OR4K17: variants seen among roughly 807,000 people sequenced by gnomAD.
OR4K17 encodes the protein olfactory receptor family 4 subfamily K member 17.
For missense variants in OR4K17, 480 were observed against 366.3 expected (o/e 1.31, Z -2.53); for synonymous variants, 157 against 132.8 (o/e 1.18, Z -1.25).
At chr14:20,116,395 A>G (rs1199122458) in intron 1 of OR4K17, among the ~76,000 whole-genome samples, 1 of 152,122 alleles carries the variant, frequency 6.6e-6, no homozygotes. Context: ...ATTGGAACAT[A>G]GTGATCTACT....
At chr14:20,114,364 G>A (rs1245544893) in intron 1 of OR4K17, among the ~76,000 whole-genome samples, 1 of 151,762 alleles carries the variant, frequency 6.6e-6, no homozygotes, top group Non-Finnish European at 1.5e-5. Flanking sequence ...TTTACATATT[G>A]CATTTAGGTT....
At chr14:20,113,775 G>T (rs934068055) in intron 1 of OR4K17, among the ~76,000 whole-genome samples, 13 of 151,814 alleles carry the variant, frequency 8.6e-5, no homozygotes, top group Non-Finnish European at 1.5e-5. Context: ...ACTTTGTGTT[G>T]CTCCATTAAT....
At chr14:20,111,724 A>G (rs1019468242) in intron 1 of OR4K17, among the ~76,000 whole-genome samples, 13 of 152,192 alleles carry the variant, frequency 8.5e-5, no homozygotes, top group African/African-American at 2.9e-4. Flanking sequence ...ATGAATAAAG[A>G]AGAGCTTAGA....
intron 1 of OR4K17, among the ~76,000 whole-genome samples, chr14:20,116,554 C>T (rs1009120403): frequency 6.6e-6 from 1 of 152,010 alleles, no homozygotes; most frequent in Non-Finnish European, 1.5e-5. Flanking sequence ...AATTGTTAAA[C>T]CTGGTTTGCT....
At position 20,120,166 on chromosome 14, in the gene OR4K17, T is replaced by C. The variant is rs566672190; in HGVS notation, c.*1728T>C. The C allele has an allele frequency of 6.6e-6, 1 of 152,290 alleles. No individual in the cohort carries two copies. The highest frequency in any genetic ancestry group is 2.4e-5 in the African/African-American group (1 of 41,566). 9.4% of individuals were successfully genotyped at this position (152,290 alleles called of 1,614,324 possible). A position where few individuals can be genotyped will look rare whatever the true frequency, so the allele number is the denominator to read the frequency against. The stretch of plus-strand genomic sequence containing the variant: ...AAATGTCTGTCACATTTTTACTGTA[T>C]AATTGAGTTAAATGATTTGGCACTC... On this transcript the variant is annotated 3_prime_UTR_variant, in exon 2 of 2. Transcript: ENST00000641386.
intron 1 of OR4K17, among the ~76,000 whole-genome samples, chr14:20,111,126 A>G (rs1023957480): frequency 1.1e-4 from 17 of 152,054 alleles, no homozygotes; most frequent in Admixed American, 2.0e-4. Context: ...AGTCCAGCAA[A>G]CAGCAGAACC....
intron 1 of OR4K17, among the ~76,000 whole-genome samples, chr14:20,116,895 T>G (rs1878005340): frequency 6.6e-6 from 1 of 152,110 alleles, no homozygotes; most frequent in Non-Finnish European, 1.5e-5. Context: ...AGAAGCCCAC[T>G]GGTGGAAGAT....
Position 20,119,528 on chromosome 14 carries a change from A to G in OR4K17, c.*1090A>G, listed in dbSNP as rs750423740. ...AATAAATGTCCATGAAATCTTCAAA[A>G]TTTATGTTCTTCTGTCACGGCTTCA... On this transcript the variant is annotated 3_prime_UTR_variant, in exon 2 of 2. Coordinates refer to ENST00000641386, the MANE Select transcript of OR4K17 (RefSeq NM_001004715.5). 2 of 152,260 alleles carry G rather than the reference A, an allele frequency of 1.3e-5. No homozygotes were observed. Among genetic ancestry groups the G allele is most frequent in the African/African-American group, 2.4e-5 (1 of 41,434 alleles). The allele number at this position is 152,260 out of a possible 1,614,324, so 9.4% of individuals were successfully genotyped here.
Position 20,119,921 on chromosome 14 carries a change from C to CA in OR4K17, c.*1484dup, listed in dbSNP as rs1566553367. 1.3e-5 allele frequency: 2 copies of CA among 152,050 alleles called. No homozygotes were observed. Among genetic ancestry groups the CA allele is most frequent in the African/African-American group, 4.8e-5 (2 of 41,400 alleles). The allele number at this position is 152,050 out of a possible 1,614,324, so 9.4% of individuals were successfully genotyped here. A position where few individuals can be genotyped will look rare whatever the true frequency, so the allele number is the denominator to read the frequency against. ...CTCTTAAGTATAGAGTTATTAGCTA[C>CA]ACTGAGATGAAGGCAAGTAAAATGC... On this transcript the variant is annotated 3_prime_UTR_variant, in exon 2 of 2. Coordinates refer to ENST00000641386, the MANE Select transcript of OR4K17 (RefSeq NM_001004715.5).
rs896125492 is a variant in OR4K17 at position 20,120,412 on chromosome 14, TC to T, written c.*1975del. 2 of 152,150 alleles carry T rather than the reference TC, an allele frequency of 1.3e-5. No homozygotes were observed. The highest frequency in any genetic ancestry group is 4.8e-5 in the African/African-American group (2 of 41,432). 9.4% of individuals were successfully genotyped at this position (152,150 alleles called of 1,614,324 possible). On this transcript the variant is annotated 3_prime_UTR_variant, in exon 2 of 2. Coordinates refer to ENST00000641386, the MANE Select transcript of OR4K17 (RefSeq NM_001004715.5). ...CCTCCTTGTCCCCATGTATTTCAAT[TC>T]AAAAAAACTGTGTGTCTGACTCCAA...
intron 1 of OR4K17, among the ~76,000 whole-genome samples, chr14:20,117,040 G>A (rs754465894): frequency 6.4e-4 from 98 of 152,048 alleles, no homozygotes; most frequent in Non-Finnish European, 1.0e-3. Flanking sequence ...AATTTCTTAA[G>A]GTCATTATGG....
In OR4K17 at chr14:20,117,723, C is replaced by T. The variant is rs774335231; in HGVS notation, c.224C>T (p.Ser75Phe). The change falls in exon 2 of 2, where the codon TCT (serine) becomes TTT (phenylalanine). Residue 75 changes from serine (S) to phenylalanine (F), a missense_variant. Coordinates refer to ENST00000641386, the MANE Select transcript of OR4K17 (RefSeq NM_001004715.5). ...TCTTTTGTAGATATGACCCTTGCTT[C>T]TTTTGCCACCCCTAAGGTGATTCTG... ...NLSFVDMTLA[S>F]FATPKVILNL... 40 of 1,613,902 alleles carry T rather than the reference C, an allele frequency of 2.5e-5. No individual in the cohort carries two copies. Among genetic ancestry groups the T allele is most frequent in the Non-Finnish European group, 3.3e-5 (39 of 1,179,960 alleles).
Position 20,117,628 on chromosome 14 carries a change from TC to T in OR4K17, c.130del (p.Ile45LeufsTer2). The T allele has an allele frequency of 6.2e-7, 1 of 1,613,856 alleles. No homozygotes were observed. ...IYVVTVLGNL[L>X]IIVTVFNTPN... ...ATGTGGTCACAGTTTTGGGTAACCT[TC>T]TTATTATAGTCACAGTGTTTAACAC... On this transcript the variant is annotated frameshift_variant, in exon 2 of 2. Transcript: ENST00000641386. LOFTEE classifies it low-confidence loss of function (END_TRUNC).
rs1156766817 is a variant in OR4K17 at position 20,117,704 on chromosome 14, G to T, written c.205G>T (p.Val69Leu). The T allele has an allele frequency of 3.7e-6, 6 of 1,613,802 alleles. No homozygotes were observed. The highest frequency in any genetic ancestry group is 5.1e-6 in the Non-Finnish European group (6 of 1,179,880). ...MYFLLGNLSF[V>L]DMTLASFATP... ...TTTTCTCCTTGGTAATCTCTCTTTT[G>T]TAGATATGACCCTTGCTTCTTTTGC... Residue 69 changes from valine to leucine, a missense_variant, in exon 2 of 2, where the codon GTA (valine) becomes TTA (leucine). Physicochemically the swap from Val to Leu is conservative, Grantham distance 32 (BLOSUM62 1). Transcript: ENST00000641386.
At chr14:20,112,527 G>T (rs970102334) in intron 1 of OR4K17, among the ~76,000 whole-genome samples, 1 of 152,066 alleles carries the variant, frequency 6.6e-6, no homozygotes, top group Non-Finnish European at 1.5e-5. Flanking sequence ...GGTGATGATA[G>T]GTTTGGAAAC....
rs1159550967 is a variant in OR4K17 at position 20,121,816 on chromosome 14, C to T, written c.*3378C>T. The T allele has an allele frequency of 6.6e-6, 1 of 152,024 alleles. No homozygotes were observed. The highest frequency in any genetic ancestry group is 1.5e-5 in the Non-Finnish European group (1 of 67,964). 9.4% of individuals were successfully genotyped at this position (152,024 alleles called of 1,614,324 possible). ...TTTTCTGGCATATCCATAGGTTTTA[C>T]ATTCACAGACTCAATCAACCACAGA... is the stretch of plus-strand genomic sequence containing the variant. On this transcript the variant is annotated 3_prime_UTR_variant, in exon 2 of 2. Coordinates refer to ENST00000641386, the MANE Select transcript of OR4K17 (RefSeq NM_001004715.5).
In OR4K17 at chr14:20,118,898, G is replaced by C. The variant is rs1594196722; in HGVS notation, c.*460G>C. The stretch of plus-strand genomic sequence containing the variant: ...AACATCTTATCAGGAGACAGGGTTT[G>C]AGAGCGGACAACCGGTCTGACTAAA... On this transcript the variant is annotated 3_prime_UTR_variant, in exon 2 of 2. Coordinates refer to ENST00000641386, the MANE Select transcript of OR4K17 (RefSeq NM_001004715.5). 2 of 156,648 alleles carry C rather than the reference G, an allele frequency of 1.3e-5. No individual in the cohort carries two copies. The highest frequency in any genetic ancestry group is 1.3e-4 in the Admixed American group (2 of 15,852). 9.7% of individuals were successfully genotyped at this position (156,648 alleles called of 1,614,324 possible). A position where few individuals can be genotyped will look rare whatever the true frequency, so the allele number is the denominator to read the frequency against.
chr14:20,117,337 G>A (rs1878016613), intron 1 of OR4K17, 131 bp from the exon 2 acceptor site: 4 of 1,055,936 alleles, frequency 3.8e-6, no homozygotes, highest in Admixed American at 4.6e-5. Context: ...AGACTTAATA[G>A]ATACTGACAC....
rs1350466652 is a variant in OR4K17 at position 20,118,868 on chromosome 14, T to C, written c.*430T>C. ...ATGCCCCACTGGGCACTCATTGCCA[T>C]TGATAACATCTTATCAGGAGACAGG... On this transcript the variant is annotated 3_prime_UTR_variant, in exon 2 of 2. Coordinates refer to ENST00000641386, the MANE Select transcript of OR4K17 (RefSeq NM_001004715.5). 6.2e-6 allele frequency: 1 copy of C among 160,616 alleles called. No individual in the cohort carries two copies. 9.9% of individuals were successfully genotyped at this position (160,616 alleles called of 1,614,324 possible).
Sources: gnomAD v4.1 joint callset for allele counts (sites outside exome capture counted in the v4.1 genomes callset) on GRCh38, gnomAD v4.1.1 for gene constraint, MANE v1.5 for transcripts, NCBI Gene and HGNC (gene_info 2026-07-23, HGNC 2026-07-21) for gene names.